The following HFM1 variants were observed in gnomAD, a reference collection of about 807,000 sequenced individuals.
The protein encoded by HFM1 is probable ATP-dependent DNA helicase HFM1.
Under a neutral mutation model 192.1 loss-of-function variants are expected in HFM1, and 169 were observed. The ratio of observed to expected loss-of-function variants is 0.88; its 90% CI spans 0.78 to 1.00. The LOEUF (loss-of-function observed/expected upper bound fraction) is 1.00. HFM1 is among the 50% of genes least tolerant of loss of function. The pLI is 0.00. For missense variants in HFM1, 1,661 were observed against 1,668.0 expected, an observed-to-expected ratio of 1.00 and a Z score of 0.07; for synonymous variants, 525 against 537.8, an observed-to-expected ratio of 0.98 and a Z score of 0.33.
chr1:91,384,593 A>G lies in HFM1; in HGVS notation c.802+594T>C, dbSNP rs576632831. Among the ~76,000 whole-genome samples the G allele has an allele frequency of 1.8e-4, 28 of 152,318 alleles. 1 individual carries two copies. The South Asian group carries it at 5.2e-3, about 28-fold the overall frequency. ...GCTCTTTCTCAAAGGATGAGAAATT[A>G]TCTGTACCTATTTGTAAGTAAATAT... On this transcript the variant is annotated intron_variant, in intron 6 of 38. Transcript: ENST00000370425.
Position 91,379,208 on chromosome 1 carries a change from G to C in HFM1, c.1013C>G (p.Pro338Arg). 6.3e-7 allele frequency: 1 copy of C among 1,597,978 alleles called. No individual in the cohort carries two copies. Among genetic ancestry groups the C allele is most frequent in the Non-Finnish European group, 8.5e-7 (1 of 1,174,258 alleles). Residue 338 changes from proline (P) to arginine (R), a missense_variant, in exon 9 of 39, where the codon CCA (proline) becomes CGA (arginine). Pro to Arg is a moderately radical substitution (Grantham distance 103). Coordinates refer to ENST00000370425, the MANE Select transcript of HFM1 (RefSeq NM_001017975.6). ...ACGCTGACTGCACAAGGCTTTTATT[G>C]GTGCCACTGTAACAATATAAAATAT... is the stretch of plus-strand genomic sequence containing the variant. ...WLNIKIVYMA[P>R]IKALCSQRFD...
At chr1:91,352,788 A>G in intron 15 of HFM1, 137 bp from the exon 16 acceptor site, 1 of 683,116 alleles carries the variant, frequency 1.5e-6, no homozygotes. Flanking sequence ...AGAGCATTAC[A>G]ATCTAAAATA....
intron 13 of HFM1, among the ~76,000 whole-genome samples, chr1:91,365,023 T>A (rs192325497): frequency 1.6e-3 from 240 of 152,138 alleles, no homozygotes; most frequent in Non-Finnish European, 2.8e-3. Context: ...AAGAATGAGA[T>A]TCTGCGACTT....
chr1:91,277,647 A>G (rs1466436856), intron 30 of HFM1, among the ~76,000 whole-genome samples: 8 of 131,892 alleles, frequency 6.1e-5, no homozygotes, highest in Non-Finnish European at 9.3e-5. Flanking sequence ...TACTATATAT[A>G]ATATATACTA....
At chr1:91,306,583 A>C (rs919598191) in intron 30 of HFM1, among the ~76,000 whole-genome samples, 30 of 152,184 alleles carry the variant, frequency 2.0e-4, no homozygotes, top group African/African-American at 6.0e-4. Flanking sequence ...GGCCAAATTC[A>C]GCTTGTGAAT....
Position 91,262,267 on chromosome 1 carries a change from ACT to A in HFM1, c.4210_4211del (p.Ser1404Ter). The A allele has an allele frequency of 7.1e-7, 1 of 1,414,908 alleles. No homozygotes were observed. Among genetic ancestry groups the A allele is most frequent in the Non-Finnish European group, 9.8e-7 (1 of 1,025,002 alleles). 87.6% of individuals were successfully genotyped at this position (1,414,908 alleles called of 1,614,324 possible). A position where few individuals can be genotyped will look rare whatever the true frequency, so the allele number is the denominator to read the frequency against. Reference sequence around the variant, plus strand: ...TGAAATCAACTTCCTTTTTACATTCACTGTTTCTAATAAAAAAATCCACTTTT... The same window carrying A: ...TGAAATCAACTTCCTTTTTACATTCAGTTTCTAATAAAAAAATCCACTTTT... ...YKKVDFFIRN[S>X]ECKKEVDFSM... On this transcript the variant is annotated frameshift_variant, in exon 38 of 39. Transcript: ENST00000370425. LOFTEE classifies it high-confidence loss of function.
intron 4 of HFM1, 130 bp downstream of exon 4, chr1:91,393,963 G>A (rs943589001): frequency 3.7e-6 from 2 of 537,382 alleles, no homozygotes; most frequent in African/African-American, 2.0e-5. Flanking sequence ...AATGGAGAAA[G>A]TAAGGAATTA....
chr1:91,355,792 C>T lies in HFM1; in HGVS notation c.1686-2493G>A, dbSNP rs974316344. 2.4e-4 allele frequency among the ~76,000 whole-genome samples: 36 copies of T among 152,100 alleles called. 1 individual carries two copies. The highest frequency in any genetic ancestry group is 8.7e-4 in the African/African-American group (36 of 41,406). ...GGAGGGGTCTTCAATATCCCACTTT[C>T]AATAATGATAGATTAACCAGACCGA... On this transcript the variant is annotated intron_variant, in intron 13 of 38. Coordinates refer to ENST00000370425, the MANE Select transcript of HFM1 (RefSeq NM_001017975.6).
At chr1:91,333,077 T>C (rs1219049911) in intron 20 of HFM1, among the ~76,000 whole-genome samples, 3 of 152,212 alleles carry the variant, frequency 2.0e-5, no homozygotes, top group African/African-American at 7.2e-5. Flanking sequence ...AGCTACTATA[T>C]GATCCAGCAA....
chr1:91,365,893 T>C (rs1465731451), intron 13 of HFM1, among the ~76,000 whole-genome samples: 1 of 150,760 alleles, frequency 6.6e-6, no homozygotes, highest in Non-Finnish European at 1.5e-5. Flanking sequence ...TTAAGTAATA[T>C]GTCCAATAGT....
rs756119230 is a variant in HFM1, at chr1:91,385,249, C to A, written c.755-15G>T. ...TTCTGTTACCTCTGAAAAAAAAATG[C>A]TACATATTTATATAAATATCAAAAA... On this transcript the variant is annotated splice_polypyrimidine_tract_variant and intron_variant, in intron 5 of 38. Transcript: ENST00000370425. 2.1e-6 allele frequency: 3 copies of A among 1,459,396 alleles called. No homozygotes were observed. In the South Asian group the frequency reaches 3.6e-5, roughly 18 times the overall value. The allele number at this position is 1,459,396 out of a possible 1,614,324, so 90.4% of individuals were successfully genotyped here.
At chr1:91,317,810 A>G (rs1651479716) in intron 25 of HFM1, among the ~76,000 whole-genome samples, 1 of 151,254 alleles carries the variant, frequency 6.6e-6, no homozygotes. Flanking sequence ...TGTATGCATT[A>G]TTTTTTTCAA....
chr1:91,382,285 TCTA>T (rs1462339239), intron 6 of HFM1, among the ~76,000 whole-genome samples: 1 of 152,164 alleles, frequency 6.6e-6, no homozygotes, highest in Non-Finnish European at 1.5e-5. Flanking sequence ...CTTACCCTGC[TCTA>T]CTTTTTTCTT....
intron 20 of HFM1, among the ~76,000 whole-genome samples, chr1:91,337,498 C>T (rs916869323): frequency 2.6e-5 from 4 of 152,144 alleles, no homozygotes; most frequent in African/African-American, 9.7e-5. Context: ...ATTAGAAATA[C>T]TATGTAAGAA....
At chr1:91,262,732 A>G (rs1387503049) in intron 36 of HFM1, 140 bp from the exon 37 acceptor site, 1 of 575,148 alleles carries the variant, frequency 1.7e-6, no homozygotes, top group Non-Finnish European at 3.1e-6. Context: ...TCTAATATTC[A>G]TGGAGAGCTT....
chr1:91,291,790 G>A (rs1668792468), intron 30 of HFM1, among the ~76,000 whole-genome samples: 1 of 151,978 alleles, frequency 6.6e-6, no homozygotes, highest in Non-Finnish European at 1.5e-5. Flanking sequence ...GAACATTGAT[G>A]CAAAAATCCT....
intron 30 of HFM1, among the ~76,000 whole-genome samples, chr1:91,296,462 A>C (rs1647585491): frequency 6.6e-6 from 1 of 151,960 alleles, no homozygotes; most frequent in Admixed American, 6.6e-5. Context: ...AGGTTGCCCA[A>C]TATGTTTTTC....
At chr1:91,365,356 T>C (rs765848793) in intron 13 of HFM1, among the ~76,000 whole-genome samples, 22 of 152,062 alleles carry the variant, frequency 1.4e-4, no homozygotes, top group Non-Finnish European at 2.8e-4. Context: ...TAAGTAGATT[T>C]AGCTGCTCTT....
intron 32 of HFM1, among the ~76,000 whole-genome samples, chr1:91,276,412 T>C (rs1178401425): frequency 6.6e-6 from 1 of 152,096 alleles, no homozygotes; most frequent in Non-Finnish European, 1.5e-5. Flanking sequence ...TGGCATATTC[T>C]TGGTGCTCAA....
Sources: gnomAD v4.1 joint callset for allele counts (sites outside exome capture counted in the v4.1 genomes callset) on GRCh38, gnomAD v4.1.1 for gene constraint, MANE v1.5 for transcripts, NCBI Gene and HGNC (gene_info 2026-07-23, HGNC 2026-07-21) for gene names.